PAPPA2: variants seen among roughly 807,000 people sequenced by gnomAD.
PAPPA2 encodes the protein pappalysin-2.
In PAPPA2, 86 loss-of-function variants were observed where a neutral mutation model predicts 176.4. The observed-to-expected ratio is 0.49, with a 90% CI of 0.41 to 0.58. The LOEUF is 0.58. Ranked by LOEUF, PAPPA2 falls within the 20% of genes least tolerant of loss-of-function variation. PAPPA2 has a pLI of 0.00. For synonymous variants in PAPPA2, 809 were observed against 852.2 expected (o/e 0.95, Z 0.88); for missense variants, 2,073 against 2,256.9 (o/e 0.92, Z 1.65).
intron 1 of PAPPA2, among the ~76,000 whole-genome samples, chr1:176,517,797 G>T (rs987441856): frequency 1.3e-5 from 2 of 152,124 alleles, no homozygotes; most frequent in African/African-American, 2.4e-5. Flanking sequence ...GCATTTAAAG[G>T]TCGAAGGGTG....
chr1:176,587,117 C>T (rs1653362935), intron 2 of PAPPA2, among the ~76,000 whole-genome samples: 2 of 151,006 alleles, frequency 1.3e-5, no homozygotes, highest in South Asian at 4.2e-4. Context: ...ACCCTTGGCC[C>T]ACTTTTTGAT....
chr1:176,582,179 G>A (rs910872020), intron 2 of PAPPA2, among the ~76,000 whole-genome samples: 9 of 151,748 alleles, frequency 5.9e-5, no homozygotes, highest in African/African-American at 1.2e-4. Context: ...CACCCGCCTC[G>A]GCCTCCCAAA....
intron 20 of PAPPA2, among the ~76,000 whole-genome samples, chr1:176,798,613 T>C (rs924954450): frequency 2.6e-5 from 4 of 152,264 alleles, no homozygotes; most frequent in Non-Finnish European, 4.4e-5. Context: ...CAGTGGAACC[T>C]GCTTTAAAGC....
intron 3 of PAPPA2, among the ~76,000 whole-genome samples, chr1:176,652,622 G>A (rs187949820): frequency 6.6e-6 from 1 of 151,798 alleles, no homozygotes. Context: ...AGTTTCCAGG[G>A]CTGGGGATGG....
rs1664458465 is a variant in PAPPA2, at chr1:176,776,414, AG to A, written c.4715+5237del. Among the ~76,000 whole-genome samples, 3 of 152,256 alleles carry A rather than the reference AG, an allele frequency of 2.0e-5. No homozygotes were observed. The South Asian group carries it at 6.2e-4, about 32-fold the overall frequency. ...TAATTGTAAACATCCATCCTTTCTGAGGGTTGCCCACAGCATCAACTTTTCC... is the reference window on the plus strand; with the variant it reads ...TAATTGTAAACATCCATCCTTTCTGAGGTTGCCCACAGCATCAACTTTTCC... On this transcript the variant is annotated intron_variant, in intron 17 of 22. Transcript: ENST00000367662.
intron 18 of PAPPA2, among the ~76,000 whole-genome samples, chr1:176,790,854 C>T (rs116108135): frequency 4.2e-4 from 64 of 152,228 alleles, no homozygotes; most frequent in Non-Finnish European, 8.2e-4. Flanking sequence ...TTTGGTGAGA[C>T]CAAAAACAAC....
At position 176,835,513 on chromosome 1, in the gene PAPPA2, TTTG is replaced by T. The variant is rs572609875; in HGVS notation, c.5203-4642_5203-4640del. Among the ~76,000 whole-genome samples, 611 of 152,046 alleles carry T rather than the reference TTTG, an allele frequency of 4.0e-3. 3 individuals carry two copies. Among genetic ancestry groups the T allele is most frequent in the Non-Finnish European group, 7.1e-3 (479 of 67,920 alleles). On this transcript the variant is annotated intron_variant, in intron 21 of 22. Coordinates refer to ENST00000367662, the MANE Select transcript of PAPPA2 (RefSeq NM_020318.3). The stretch of plus-strand genomic sequence containing the variant: ...TCTCACAAGCACTTGCCTTTCATCT[TTTG>T]TTGTTGTTGTTGTTGTTTTTGAGAC...
At position 176,810,277 on chromosome 1, in the gene PAPPA2, G is replaced by C. The variant is rs1345633123; in HGVS notation, c.5202+10145G>C. 2.0e-5 allele frequency among the ~76,000 whole-genome samples: 3 copies of C among 152,064 alleles called. No homozygotes were observed. The East Asian group carries it at 5.8e-4, about 29-fold the overall frequency. On this transcript the variant is annotated intron_variant, in intron 21 of 22. Coordinates refer to ENST00000367662, the MANE Select transcript of PAPPA2 (RefSeq NM_020318.3). ...TTCATCCATAGAGCTCAGATGCTCA[G>C]GACTTCCAAGTGACAGCAGTTGAAA...
At chr1:176,701,702 T>C (rs553863806) in intron 8 of PAPPA2, among the ~76,000 whole-genome samples, 1 of 152,294 alleles carries the variant, frequency 6.6e-6, no homozygotes, top group South Asian at 2.1e-4. Context: ...GGCAGAATAC[T>C]GATGGCAGCC....
At chr1:176,566,221 C>G (rs1416742796) in intron 2 of PAPPA2, among the ~76,000 whole-genome samples, 1 of 152,144 alleles carries the variant, frequency 6.6e-6, no homozygotes, top group African/African-American at 2.4e-5. Context: ...TGGTGTCTGA[C>G]TCACAGGGTT....
intron 1 of PAPPA2, among the ~76,000 whole-genome samples, chr1:176,510,589 T>C (rs1008861335): frequency 1.3e-5 from 2 of 151,990 alleles, no homozygotes; most frequent in Non-Finnish European, 2.9e-5. Flanking sequence ...AAATTGTAAA[T>C]ATATGAATAA....
Position 176,756,764 on chromosome 1 carries a change from GGTTT to G in PAPPA2, c.4152-8898_4152-8895del, listed in dbSNP as rs1663443155. The stretch of plus-strand genomic sequence containing the variant: ...CTAGGGTACATGTGCACAATGTGCA[GGTTT>G]GTTACATAGGTATACATGTGCCATG... On this transcript the variant is annotated intron_variant, in intron 14 of 22. Coordinates refer to ENST00000367662, the MANE Select transcript of PAPPA2 (RefSeq NM_020318.3). Among the ~76,000 whole-genome samples, 2 of 152,008 alleles carry G rather than the reference GGTTT, an allele frequency of 1.3e-5. 1 individual carries two copies. Among genetic ancestry groups the G allele is most frequent in the South Asian group, 4.2e-4 (2 of 4,804 alleles).
chr1:176,722,602 A>G (rs971618168), intron 12 of PAPPA2, among the ~76,000 whole-genome samples: 2 of 151,946 alleles, frequency 1.3e-5, no homozygotes, highest in Non-Finnish European at 1.5e-5. Context: ...GCCAATTTCT[A>G]TTTGGCTTTT....
intron 1 of PAPPA2, among the ~76,000 whole-genome samples, chr1:176,554,075 G>A (rs1233574293): frequency 1.3e-5 from 2 of 152,124 alleles, no homozygotes; most frequent in African/African-American, 2.4e-5. Flanking sequence ...TGCCTGAGTT[G>A]ATATCTTCTT....
chr1:176,711,972 T>C lies in PAPPA2; in HGVS notation c.3789T>C (p.Val1263=). The C allele has an allele frequency of 6.2e-7, 1 of 1,611,658 alleles. No individual in the cohort carries two copies. The highest frequency in any genetic ancestry group is 8.5e-7 in the Non-Finnish European group (1 of 1,178,012). The change falls in exon 12 of 23, where the codon GTT becomes GTC. Residue 1263 remains valine (V), a synonymous_variant. Transcript: ENST00000367662. ...GTAGCCTGAAGAAAGAGGATGAGGT[T>C]TGGCTCAAAGTAAGTGGCCCAAATG... is the stretch of plus-strand genomic sequence containing the variant. ...PEGSLKKEDE[V]WLKVCFNRPG...
intron 1 of PAPPA2, among the ~76,000 whole-genome samples, chr1:176,492,172 A>G (rs1358141144): frequency 2.0e-5 from 3 of 152,170 alleles, no homozygotes; most frequent in Non-Finnish European, 4.4e-5. Context: ...GGGTGCAGAG[A>G]GCCCAGTGCT....
chr1:176,758,408 A>G (rs1663532607), intron 14 of PAPPA2, among the ~76,000 whole-genome samples: 1 of 152,200 alleles, frequency 6.6e-6, no homozygotes, highest in African/African-American at 2.4e-5. Context: ...AAAGCTATCT[A>G]AGGATGAATG....
rs148786464 is a variant in PAPPA2 at position 176,791,060 on chromosome 1, C to T, written c.4885-287C>T. 1.1e-4 allele frequency among the ~76,000 whole-genome samples: 17 copies of T among 151,688 alleles called. No individual in the cohort carries two copies. In the East Asian group the frequency reaches 3.1e-3, roughly 28 times the overall value. On this transcript the variant is annotated intron_variant, in intron 18 of 22. Transcript: ENST00000367662. ...CCAAAAATAGCTCTGAATATATGAG[C>T]TTCGGTTGATAGCTGATTGTGTTCC...
intron 21 of PAPPA2, among the ~76,000 whole-genome samples, chr1:176,834,740 C>T (rs768031032): frequency 5.9e-5 from 9 of 152,140 alleles, no homozygotes; most frequent in African/African-American, 1.4e-4. Flanking sequence ...GAGGCTGAGA[C>T]GGGTGGAACA....
Sources: gnomAD v4.1 joint callset for allele counts (sites outside exome capture counted in the v4.1 genomes callset) on GRCh38, gnomAD v4.1.1 for gene constraint, MANE v1.5 for transcripts, NCBI Gene and HGNC (gene_info 2026-07-23, HGNC 2026-07-21) for gene names.